The following TWIST2 variants were observed in gnomAD, a reference collection of about 807,000 sequenced individuals.
The protein encoded by TWIST2 is twist-related protein 2.
TWIST2 carries 1 observed loss-of-function variant against 11.6 expected under a neutral mutation model. The observed-to-expected ratio is 0.09, with a 90% CI of 0.03 to 0.41. The LOEUF is 0.41. Among genes scored for constraint, TWIST2 ranks in the 10% least tolerant of loss-of-function variants. TWIST2 has a pLI of 0.98. For missense variants in TWIST2, 168 were observed against 226.4 expected (o/e 0.74, Z 1.66); for synonymous variants, 87 against 96.6 (o/e 0.90, Z 0.58).
At chr2:238,852,905 CTATA>C (rs1385615640) in intron 1 of TWIST2, among the ~76,000 whole-genome samples, 1 of 152,134 alleles carries the variant, frequency 6.6e-6, no homozygotes, top group East Asian at 1.9e-4. Context: ...AGTATTAAAT[CTATA>C]TATTTAGATA....
At chr2:238,883,621 C>T (rs955670202) in intron 1 of TWIST2, among the ~76,000 whole-genome samples, 5 of 152,124 alleles carry the variant, frequency 3.3e-5, no homozygotes, top group African/African-American at 1.2e-4. Flanking sequence ...TCAGGGAAAA[C>T]ATTTAGCATT....
chr2:238,901,179 G>C (rs1693264887), intron 1 of TWIST2, among the ~76,000 whole-genome samples: 1 of 151,982 alleles, frequency 6.6e-6, no homozygotes, highest in East Asian at 1.9e-4. Context: ...GTTTCACCAT[G>C]TTGGCCAGGC....
At chr2:238,887,386 G>C in intron 1 of TWIST2, 1 of 152,010 alleles carries the variant, frequency 6.6e-6, no homozygotes, top group South Asian at 2.1e-4. Context: ...ACACTCTTCC[G>C]GCCAGATTCT....
At chr2:238,882,757 G>A (rs927374148) in intron 1 of TWIST2, among the ~76,000 whole-genome samples, 1 of 152,172 alleles carries the variant, frequency 6.6e-6, no homozygotes. Flanking sequence ...AACTTCCTGG[G>A]AGCCTGTCTG....
chr2:238,855,332 C>T (rs748109197), intron 1 of TWIST2, among the ~76,000 whole-genome samples: 1 of 152,234 alleles, frequency 6.6e-6, no homozygotes, highest in Non-Finnish European at 1.5e-5. Flanking sequence ...ATCTACACGT[C>T]TCTGTTCACA....
chr2:238,887,609 G>C (rs558603473), intron 1 of TWIST2, among the ~76,000 whole-genome samples: 1 of 152,212 alleles, frequency 6.6e-6, no homozygotes, highest in African/African-American at 2.4e-5. Context: ...AGCCCCTGTG[G>C]TTAGGCAGGG....
intron 1 of TWIST2, among the ~76,000 whole-genome samples, chr2:238,883,085 C>G (rs1053979109): frequency 6.6e-6 from 1 of 152,204 alleles, no homozygotes; most frequent in Admixed American, 6.5e-5. Context: ...TCTGTGAATT[C>G]TTCTAGAAAC....
rs377071834 is a variant in TWIST2, at chr2:238,880,236, A to G, written c.*36-29606A>G. On this transcript the variant is annotated intron_variant, in intron 1 of 1. Coordinates refer to ENST00000612363, the MANE Select transcript of TWIST2 (RefSeq NM_001271893.4). ...ATTAGTATTAGTGTTAGTATTTATT[A>G]GTATTAGTGTTAGTATTTATTGGTA... 2.4e-3 allele frequency among the ~76,000 whole-genome samples: 371 copies of G among 151,810 alleles called. 3 individuals carry two copies. Among genetic ancestry groups the G allele is most frequent in the African/African-American group, 8.5e-3 (353 of 41,314 alleles).
chr2:238,906,366 G>A (rs1211443625), intron 1 of TWIST2, among the ~76,000 whole-genome samples: 33 of 151,506 alleles, frequency 2.2e-4, no homozygotes, highest in African/African-American at 7.5e-4. Flanking sequence ...ACCCACTCAC[G>A]TGGATGTACA....
intron 1 of TWIST2, among the ~76,000 whole-genome samples, chr2:238,891,164 G>C (rs1300019041): frequency 6.6e-6 from 1 of 152,224 alleles, no homozygotes; most frequent in African/African-American, 2.4e-5. Context: ...CCTTTTGTTA[G>C]AGTCTGATGC....
chr2:238,909,680 C>T (rs1015411474), intron 1 of TWIST2, among the ~76,000 whole-genome samples, 162 bp from the exon 2 acceptor site: 674 of 152,244 alleles, frequency 4.4e-3, no homozygotes, highest in African/African-American at 0.014. Context: ...TAGCAGTCAC[C>T]TGCCCAGTGT....
rs375218340 is a variant in TWIST2 at position 238,893,006 on chromosome 2, C to T, written c.*36-16836C>T. ...GGAAGCAAAAGGCCTGTCCCTGTTGCAGAATGGTCTGGTTAACCACGCCCC... is the reference window on the plus strand; with the variant it reads ...GGAAGCAAAAGGCCTGTCCCTGTTGTAGAATGGTCTGGTTAACCACGCCCC... On this transcript the variant is annotated intron_variant, in intron 1 of 1. Transcript: ENST00000612363. Among the ~76,000 whole-genome samples, 23 of 152,292 alleles carry T rather than the reference C, an allele frequency of 1.5e-4. No individual in the cohort carries two copies. The East Asian group carries it at 2.5e-3, about 17-fold the overall frequency.
intron 1 of TWIST2, among the ~76,000 whole-genome samples, chr2:238,888,313 A>G (rs1369161544): frequency 6.6e-6 from 1 of 151,672 alleles, no homozygotes; most frequent in Non-Finnish European, 1.5e-5. Flanking sequence ...TCTTCCCTCT[A>G]CTCACTTTCA....
chr2:238,870,265 ACACACCC>A (rs1435147113), intron 1 of TWIST2, among the ~76,000 whole-genome samples: 1 of 13,788 alleles, frequency 7.3e-5, no homozygotes, highest in Non-Finnish European at 1.4e-4. Context: ...CACACAAGCC[ACACACCC>A]CACACACACA....
intron 1 of TWIST2, among the ~76,000 whole-genome samples, chr2:238,892,669 C>T (rs548136394): frequency 1.3e-5 from 2 of 151,896 alleles, no homozygotes; most frequent in South Asian, 2.1e-4. Flanking sequence ...TTAGTAGAGA[C>T]GGGATTTCAC....
chr2:238,880,064 T>C (rs915770320), intron 1 of TWIST2, among the ~76,000 whole-genome samples: 6 of 152,216 alleles, frequency 3.9e-5, no homozygotes, highest in Non-Finnish European at 8.8e-5. Context: ...TTAGTGTTAG[T>C]ATTAGTGTTG....
At chr2:238,888,686 T>G (rs951713526) in intron 1 of TWIST2, among the ~76,000 whole-genome samples, 1 of 152,182 alleles carries the variant, frequency 6.6e-6, no homozygotes, top group African/African-American at 2.4e-5. Flanking sequence ...GTCAGAAATA[T>G]TGTAGCAAGC....
chr2:238,873,091 A>G (rs900158492), intron 1 of TWIST2, among the ~76,000 whole-genome samples: 6 of 152,232 alleles, frequency 3.9e-5, no homozygotes, highest in African/African-American at 1.4e-4. Flanking sequence ...GCTGTTGTAC[A>G]ACAATGGTTA....
intron 1 of TWIST2, among the ~76,000 whole-genome samples, chr2:238,873,389 AG>A (rs1461469959): frequency 6.6e-6 from 1 of 152,184 alleles, no homozygotes; most frequent in Non-Finnish European, 1.5e-5. Flanking sequence ...AGGATGGGGA[AG>A]GACATCTGAA....
Sources: gnomAD v4.1 joint callset for allele counts (sites outside exome capture counted in the v4.1 genomes callset) on GRCh38, gnomAD v4.1.1 for gene constraint, MANE v1.5 for transcripts, NCBI Gene and HGNC (gene_info 2026-07-23, HGNC 2026-07-21) for gene names.